The following UBE2G1 variants were observed in gnomAD, a reference collection of about 807,000 sequenced individuals.
UBE2G1 encodes ubiquitin conjugating enzyme E2 G1, also known as ubiquitin-conjugating enzyme E2 G1.
In UBE2G1, 5 loss-of-function variants were observed where a neutral mutation model predicts 22.7. The observed-to-expected ratio is 0.22, with a 90% confidence interval of 0.12 to 0.46. UBE2G1 has a LOEUF of 0.46. Among genes scored for constraint, UBE2G1 ranks in the 20% least tolerant of loss-of-function variants. UBE2G1 has a pLI of 0.99. For synonymous variants in UBE2G1, 74 were observed against 67.5 expected (o/e 1.10, Z -0.47); for missense variants, 88 against 203.9 (o/e 0.43, Z 3.46).
chr17:4,339,011 T>C (rs1334381266), intron 1 of UBE2G1, among the ~76,000 whole-genome samples: 1 of 152,182 alleles, frequency 6.6e-6, no homozygotes, highest in Non-Finnish European at 1.5e-5. Flanking sequence ...CACAATACCA[T>C]AGTAATGGTA....
At chr17:4,343,183 T>G (rs1186235217) in intron 1 of UBE2G1, among the ~76,000 whole-genome samples, 1 of 152,230 alleles carries the variant, frequency 6.6e-6, no homozygotes, top group Non-Finnish European at 1.5e-5. Flanking sequence ...ATTTGTTAAA[T>G]GTAGAATTCA....
rs1325039857 is a variant in UBE2G1 at position 4,284,844 on chromosome 17, T to C, written c.427-1923A>G. Among the ~76,000 whole-genome samples the C allele has an allele frequency of 2.2e-3, 95 of 43,084 alleles. 1 individual carries two copies. Among genetic ancestry groups the C allele is most frequent in the South Asian group, 3.1e-3 (3 of 980 alleles). The allele number at this position is 43,084 out of a possible 152,430, so 28.3% of individuals were successfully genotyped here. ...CTTTTCTTTTCTTTTCTTTCTTTTT[T>C]TTTTTTTTTTTTTTTTTGGAGATAG... On this transcript the variant is annotated intron_variant, in intron 4 of 5. Coordinates refer to ENST00000396981, the MANE Select transcript of UBE2G1 (RefSeq NM_003342.5).
intron 1 of UBE2G1, among the ~76,000 whole-genome samples, chr17:4,351,070 G>A (rs955185632): frequency 1.3e-5 from 2 of 151,190 alleles, no homozygotes; most frequent in African/African-American, 2.4e-5. Flanking sequence ...GTAGTGGTGC[G>A]TGCCTGTAAT....
chr17:4,354,300 A>G (rs1307120639), intron 1 of UBE2G1, among the ~76,000 whole-genome samples: 1 of 152,178 alleles, frequency 6.6e-6, no homozygotes, highest in Non-Finnish European at 1.5e-5. Context: ...ATTTTTCTAC[A>G]GACTACAAGT....
chr17:4,317,601 C>T (rs184133115), intron 1 of UBE2G1, among the ~76,000 whole-genome samples: 200 of 152,262 alleles, frequency 1.3e-3, no homozygotes, highest in African/African-American at 4.7e-3. Context: ...AACAGACAAG[C>T]CAAACAGATC....
chr17:4,286,851 G>A (rs2143692513), intron 4 of UBE2G1, among the ~76,000 whole-genome samples: 1 of 152,174 alleles, frequency 6.6e-6, no homozygotes, highest in Non-Finnish European at 1.5e-5. Flanking sequence ...AGACCAGCCT[G>A]GCCAACATGG....
intron 2 of UBE2G1, among the ~76,000 whole-genome samples, chr17:4,305,527 A>C (rs1969239613): frequency 6.6e-6 from 1 of 152,148 alleles, no homozygotes; most frequent in Non-Finnish European, 1.5e-5. Context: ...AAAAATGTAC[A>C]CCAAAGACCA....
chr17:4,299,132 T>C (rs1969144653), intron 2 of UBE2G1, among the ~76,000 whole-genome samples: 1 of 152,212 alleles, frequency 6.6e-6, no homozygotes, highest in Non-Finnish European at 1.5e-5. Flanking sequence ...TCACAAGTAG[T>C]TTCAGTTATA....
chr17:4,310,825 G>C (rs1969301722), intron 1 of UBE2G1, among the ~76,000 whole-genome samples: 1 of 152,188 alleles, frequency 6.6e-6, no homozygotes, highest in African/African-American at 2.4e-5. Context: ...GTATATAGTA[G>C]TCGAAACAAT....
chr17:4,335,325 C>T (rs1969632484), intron 1 of UBE2G1: 1 of 152,008 alleles, frequency 6.6e-6, no homozygotes, highest in Non-Finnish European at 1.5e-5. Flanking sequence ...AGTAGGTCAC[C>T]TACAAAGGGA....
At chr17:4,306,043 G>T (rs1330660348) in intron 2 of UBE2G1, among the ~76,000 whole-genome samples, 1 of 152,138 alleles carries the variant, frequency 6.6e-6, no homozygotes, top group African/African-American at 2.4e-5. Flanking sequence ...ACAATTAATA[G>T]TCAGTTAATA....
At chr17:4,359,963 A>G (rs374184112) in intron 1 of UBE2G1, among the ~76,000 whole-genome samples, 3 of 152,182 alleles carry the variant, frequency 2.0e-5, no homozygotes, top group African/African-American at 7.2e-5. Flanking sequence ...ACATTTAAAT[A>G]TCTTATTTCC....
At chr17:4,323,841 C>T (rs1969472513) in intron 1 of UBE2G1, among the ~76,000 whole-genome samples, 1 of 152,088 alleles carries the variant, frequency 6.6e-6, no homozygotes, top group Admixed American at 6.6e-5. Flanking sequence ...CTGCACCTGG[C>T]CAGTAACTAG....
intron 1 of UBE2G1, among the ~76,000 whole-genome samples, chr17:4,318,641 C>G (rs956354207): frequency 3.3e-5 from 5 of 152,124 alleles, no homozygotes; most frequent in African/African-American, 1.2e-4. Flanking sequence ...AGAATGCCAC[C>G]TTCTTCATGT....
chr17:4,349,727 C>T (rs1012863056), intron 1 of UBE2G1, among the ~76,000 whole-genome samples: 7 of 151,610 alleles, frequency 4.6e-5, no homozygotes, highest in Non-Finnish European at 8.8e-5. Context: ...CCAGTAGTCC[C>T]AGCTACTCGG....
At chr17:4,353,367 G>C (rs192800409) in intron 1 of UBE2G1, among the ~76,000 whole-genome samples, 1 of 151,830 alleles carries the variant, frequency 6.6e-6, no homozygotes, top group Non-Finnish European at 1.5e-5. Context: ...ATAATATTGT[G>C]GTGAAGTAGC....
intron 1 of UBE2G1, among the ~76,000 whole-genome samples, chr17:4,319,359 C>T (rs1035395429): frequency 2.6e-5 from 4 of 152,126 alleles, no homozygotes; most frequent in Admixed American, 2.6e-4. Flanking sequence ...AGGTTAGCCT[C>T]AGATTTCTCC....
intron 2 of UBE2G1, among the ~76,000 whole-genome samples, chr17:4,300,736 G>A (rs995081971): frequency 2.6e-5 from 4 of 151,534 alleles, no homozygotes; most frequent in Admixed American, 1.3e-4. Context: ...AGGCTGAGGC[G>A]GGTAGATCAT....
chr17:4,340,539 C>T (rs541753605), intron 1 of UBE2G1, among the ~76,000 whole-genome samples: 17 of 152,216 alleles, frequency 1.1e-4, no homozygotes, highest in African/African-American at 2.9e-4. Context: ...TGAGTTCTCA[C>T]GAGATCTGAT....
Sources: gnomAD v4.1 joint callset for allele counts (sites outside exome capture counted in the v4.1 genomes callset) on GRCh38, gnomAD v4.1.1 for gene constraint, MANE v1.5 for transcripts, NCBI Gene and HGNC (gene_info 2026-07-23, HGNC 2026-07-21) for gene names.